ZNF564: variants seen among roughly 807,000 people sequenced by gnomAD.
ZNF564 encodes zinc finger protein 564.
A neutral mutation model predicts 10.5 loss-of-function variants in ZNF564; 5 were observed. The observed-to-expected ratio is 0.48, with a 90% CI of 0.25 to 1.00. ZNF564 has a LOEUF of 1.00. Among genes scored for constraint, ZNF564 ranks in the 50% least tolerant of loss-of-function variants. The pLI, the probability that ZNF564 is intolerant of heterozygous loss-of-function variation, is 0.16. For missense variants in ZNF564, 603 were observed against 669.7 expected, an observed-to-expected ratio of 0.90 and a Z score of 1.10; for synonymous variants, 242 against 218.1, an observed-to-expected ratio of 1.11 and a Z score of -0.97.
At chr19:12,545,042 T>C (rs973447139) in intron 1 of ZNF564, among the ~76,000 whole-genome samples, 2 of 151,990 alleles carry the variant, frequency 1.3e-5, no homozygotes, top group African/African-American at 4.8e-5. Context: ...GTGGATCACC[T>C]GAGGTCAGGA....
In ZNF564 at chr19:12,526,200, C is replaced by T. The variant is rs1266286408; in HGVS notation, c.*246G>A. 2 of 388,592 alleles carry T rather than the reference C, an allele frequency of 5.1e-6. No homozygotes were observed. Among genetic ancestry groups the T allele is most frequent in the East Asian group, 8.4e-5 (2 of 23,844 alleles). The allele number at this position is 388,592 out of a possible 1,614,324, so 24.1% of individuals were successfully genotyped here. A position where few individuals can be genotyped will look rare whatever the true frequency, so the allele number is the denominator to read the frequency against. On this transcript the variant is annotated 3_prime_UTR_variant, in exon 4 of 4. Transcript: ENST00000339282. ...ACTCCAAAGTGTCATCTCAATATCA[C>T]ATCACTCAGATATGGATGAGACTCA...
At chr19:12,546,050 T>C (rs1478899560) in intron 1 of ZNF564, among the ~76,000 whole-genome samples, 1 of 152,130 alleles carries the variant, frequency 6.6e-6, no homozygotes, top group Non-Finnish European at 1.5e-5. Context: ...ACTCCACCTA[T>C]CACTTAGGGA....
At chr19:12,548,241 G>A (rs774212275) in intron 1 of ZNF564, 365 of 889,302 alleles carry the variant, frequency 4.1e-4, no homozygotes, top group Non-Finnish European at 4.7e-4. Context: ...TTTTTGAGAC[G>A]GAGTCTAGCT....
chr19:12,541,305 TG>T (rs2022045560), intron 1 of ZNF564: 1 of 151,960 alleles, frequency 6.6e-6, no homozygotes, highest in African/African-American at 2.4e-5. Context: ...CCCATCACTT[TG>T]GGAGGCTGAG....
intron 1 of ZNF564, among the ~76,000 whole-genome samples, chr19:12,540,797 T>A (rs897847021): frequency 6.6e-6 from 1 of 151,258 alleles, no homozygotes; most frequent in African/African-American, 2.4e-5. Flanking sequence ...GAGCTTGCAG[T>A]GAGCCGAGAT....
chr19:12,536,712 A>G (rs187034794), intron 1 of ZNF564, among the ~76,000 whole-genome samples: 1 of 152,134 alleles, frequency 6.6e-6, no homozygotes, highest in Admixed American at 6.6e-5. Context: ...TAAGATATGT[A>G]TTGGCCAGGC....
chr19:12,538,219 T>A (rs1446158926), intron 1 of ZNF564, among the ~76,000 whole-genome samples: 1 of 152,044 alleles, frequency 6.6e-6, no homozygotes, highest in African/African-American at 2.4e-5. Flanking sequence ...CTCGGTGCAG[T>A]GGCTCACACC....
intron 1 of ZNF564, among the ~76,000 whole-genome samples, chr19:12,536,870 T>C (rs2021925784): frequency 6.6e-6 from 1 of 152,210 alleles, no homozygotes; most frequent in Admixed American, 6.6e-5. Flanking sequence ...AAACTCCTAA[T>C]ACTTTTAACA....
intron 1 of ZNF564, among the ~76,000 whole-genome samples, chr19:12,534,640 C>T (rs151080305): frequency 2.0e-5 from 3 of 152,054 alleles, no homozygotes; most frequent in Non-Finnish European, 4.4e-5. Flanking sequence ...ATGGTGAAAC[C>T]TTGTCTCTAC....
chr19:12,550,707 G>A (rs2022239498), intron 1 of ZNF564: 1 of 157,274 alleles, frequency 6.4e-6, no homozygotes, highest in African/African-American at 2.4e-5. Flanking sequence ...AAAGAGTATG[G>A]TGAAAGAAAC....
chr19:12,549,557 C>T (rs2022214550), intron 1 of ZNF564, among the ~76,000 whole-genome samples: 1 of 152,192 alleles, frequency 6.6e-6, no homozygotes, highest in African/African-American at 2.4e-5. Flanking sequence ...TAAAAACAAT[C>T]CAGAGGTCAG....
At chr19:12,546,552 C>T (rs1455287892) in intron 1 of ZNF564, among the ~76,000 whole-genome samples, 2 of 151,978 alleles carry the variant, frequency 1.3e-5, no homozygotes, top group Admixed American at 6.6e-5. Flanking sequence ...ACGGTGAAAC[C>T]CCGTCTCTAC....
Position 12,527,327 on chromosome 19 carries a change from C to A in ZNF564, c.781G>T (p.Ala261Ser). ...GPYKCQECGKAFDRPSLFRIH... is the reference protein window; with the variant it reads ...GPYKCQECGKSFDRPSLFRIH... ...CGAAATAAACTGGGGCGGTCAAAGG[C>A]TTTTCCACATTCCTGACATTTATAA... Residue 261 changes from alanine (A) to serine (S), a missense_variant, in exon 4 of 4, where the codon GCC becomes TCC. Coordinates refer to ENST00000339282, the MANE Select transcript of ZNF564 (RefSeq NM_144976.4). 1 of 1,614,004 alleles carries A rather than the reference C, an allele frequency of 6.2e-7. No homozygotes were observed. Among genetic ancestry groups the A allele is most frequent in the Middle Eastern group, 1.6e-4 (1 of 6,062 alleles).
intron 1 of ZNF564, among the ~76,000 whole-genome samples, chr19:12,539,905 T>C (rs1324217787): frequency 7.0e-6 from 1 of 142,342 alleles, no homozygotes; most frequent in African/African-American, 2.6e-5. Context: ...GGCGTGAATC[T>C]GGGAGGCGGA....
intron 1 of ZNF564, among the ~76,000 whole-genome samples, chr19:12,540,762 A>G (rs147494246): frequency 0.024 from 3,632 of 151,522 alleles, 144 homozygotes; most frequent in African/African-American, 0.083. Context: ...GCTGAGGCAG[A>G]AGAATGGTGT....
chr19:12,528,523 ATAC>A, intron 2 of ZNF564, 44 bp downstream of exon 2: 2 of 1,602,380 alleles, frequency 1.2e-6, no homozygotes, highest in Non-Finnish European at 1.7e-6. Flanking sequence ...AAAGCAAGAA[ATAC>A]TTCTTCTCTA....
chr19:12,544,790 A>T (rs763282887), intron 1 of ZNF564, among the ~76,000 whole-genome samples: 1 of 152,206 alleles, frequency 6.6e-6, no homozygotes, highest in Non-Finnish European at 1.5e-5. Context: ...TTAGGTGTGT[A>T]TATCAGGTCT....
chr19:12,539,098 G>T (rs1291783964), intron 1 of ZNF564, among the ~76,000 whole-genome samples: 1 of 151,566 alleles, frequency 6.6e-6, no homozygotes, highest in Non-Finnish European at 1.5e-5. Flanking sequence ...GCTGGACATG[G>T]TGGTGGGCGC....
intron 1 of ZNF564, among the ~76,000 whole-genome samples, chr19:12,539,361 T>C (rs2021988789): frequency 6.6e-6 from 1 of 150,768 alleles, no homozygotes; most frequent in African/African-American, 2.4e-5. Context: ...AAAATTCTAG[T>C]GTAAAAAAAG....
Sources: gnomAD v4.1 joint callset for allele counts (sites outside exome capture counted in the v4.1 genomes callset) on GRCh38, gnomAD v4.1.1 for gene constraint, MANE v1.5 for transcripts, NCBI Gene and HGNC (gene_info 2026-07-23, HGNC 2026-07-21) for gene names.